Variants in CSF2RB observed in about 807,000 individuals in gnomAD.
The protein encoded by CSF2RB is colony stimulating factor 2 receptor subunit beta.
A neutral mutation model predicts 67.2 loss-of-function variants in CSF2RB; 22 were observed. The ratio of observed to expected loss-of-function variants is 0.33; its 90% CI spans 0.23 to 0.47. CSF2RB has a LOEUF of 0.47. Among genes scored for constraint, CSF2RB ranks in the 20% least tolerant of loss-of-function variants. The pLI is 1.00. For synonymous variants in CSF2RB, 507 were observed against 482.9 expected, an observed-to-expected ratio of 1.05 and a Z score of -0.65; for missense variants, 1,113 against 1,174.5, an observed-to-expected ratio of 0.95 and a Z score of 0.76.
chr22:36,922,876 ATCCCAGGGCTGAGTGTGTGCCCCC>A (rs1454326980), intron 2 of CSF2RB: 9 of 354,920 alleles, frequency 2.5e-5, no homozygotes, highest in African/African-American at 1.7e-4. Flanking sequence ...GCCACGCTGC[ATCCCAGGGCTGAGTGTGTGCCCCC>A]TCCCAGGCTG....
At position 36,937,126 on chromosome 22, in the gene CSF2RB, C is replaced by T. The variant is rs1392117740; in HGVS notation, c.1569-251C>T. Among the ~76,000 whole-genome samples, 1 of 152,102 alleles carries T rather than the reference C, an allele frequency of 6.6e-6. No individual in the cohort carries two copies. The highest frequency in any genetic ancestry group is 1.9e-4 in the East Asian group (1 of 5,190). ...AGGTCAAAAGGGAGAGGGTACCAGCCTTGCAGAGGAAGACCTTGAGCTCAG... is the reference window on the plus strand; with the variant it reads ...AGGTCAAAAGGGAGAGGGTACCAGCTTTGCAGAGGAAGACCTTGAGCTCAG... On this transcript the variant is annotated intron_variant, in intron 13 of 13. Coordinates refer to ENST00000403662, the MANE Select transcript of CSF2RB (RefSeq NM_000395.3). This position sits in a 1 kb window ranked among gnomAD's most constrained non-coding sequence, Gnocchi z 4.6.
rs1447875228 is a variant in CSF2RB at position 36,937,528 on chromosome 22, C to T, written c.1720C>T (p.Pro574Ser). The change falls in exon 14 of 14, where the codon CCT becomes TCT. Residue 574 changes from proline (P) to serine (S), a missense_variant. This residue lies in a region of CSF2RB where 554 missense variants were observed against 517.9 expected (regional missense o/e 1.07). Coordinates refer to ENST00000403662, the MANE Select transcript of CSF2RB (RefSeq NM_000395.3). The surrounding 1 kb of genome is among the most constrained non-coding windows in gnomAD (Gnocchi z 4.6). The part of the protein sequence containing the change: ...EQPPSPQPGP[P>S]AASHTPEKQA... ...GCCCCCCAGCCCCCAGCCAGGCCCG[C>T]CTGCCGCCTCCCACACACCTGAGAA... 3.1e-6 allele frequency: 5 copies of T among 1,613,866 alleles called. No individual in the cohort carries two copies. The highest frequency in any genetic ancestry group is 3.4e-6 in the Non-Finnish European group (4 of 1,179,896).
chr22:36,923,445 G>T, intron 3 of CSF2RB, 78 bp downstream of exon 3: 2 of 1,567,204 alleles, frequency 1.3e-6, no homozygotes, highest in East Asian at 2.4e-5. Context: ...ACAGTGTAGA[G>T]AGGGACCTGT....
intron 2 of CSF2RB, chr22:36,922,514 T>C (rs1345336526): frequency 3.3e-6 from 2 of 598,004 alleles, no homozygotes; most frequent in East Asian, 2.8e-5. Context: ...CTTGCCCACA[T>C]TTCTCAGGGC....
chr22:36,924,706 C>G (rs946469538), intron 3 of CSF2RB, among the ~76,000 whole-genome samples: 4 of 152,292 alleles, frequency 2.6e-5, no homozygotes, highest in African/African-American at 4.8e-5. Context: ...CATGGTTGGG[C>G]CTCCGCCTTC....
chr22:36,926,515 G>A lies in CSF2RB; in HGVS notation c.391+338G>A, dbSNP rs528173745. 3.7e-4 allele frequency among the ~76,000 whole-genome samples: 56 copies of A among 152,350 alleles called. 1 individual carries two copies. The highest frequency in any genetic ancestry group is 5.6e-4 in the Non-Finnish European group (38 of 68,034). On this transcript the variant is annotated intron_variant, in intron 4 of 13. Transcript: ENST00000403662. ...TTAGTTGTTTCATCTCATCTCTGAA[G>A]CAACCCATTTCCTGGATGTGGCCCT...
intron 11 of CSF2RB, 28 bp from the exon 12 acceptor site, chr22:36,935,602 T>C (rs756218810): frequency 6.2e-7 from 1 of 1,614,130 alleles, no homozygotes; most frequent in Admixed American, 1.7e-5. Context: ...AGGTCTCTGA[T>C]GGCTGTCACC....
At chr22:36,922,346 G>C in intron 2 of CSF2RB, 63 bp downstream of exon 2, 2 of 1,461,998 alleles carry the variant, frequency 1.4e-6, no homozygotes. Flanking sequence ...CCTGGGGGAG[G>C]GCCGCAGCGT....
At chr22:36,930,851 C>T in intron 8 of CSF2RB, 21 bp downstream of exon 8, 1 of 1,614,018 alleles carries the variant, frequency 6.2e-7, no homozygotes, top group Non-Finnish European at 8.5e-7. Context: ...TCCTAGCCCG[C>T]TGTGGGGATG....
intron 1 of CSF2RB, among the ~76,000 whole-genome samples, chr22:36,920,788 T>C (rs766315287): frequency 2.3e-4 from 35 of 152,256 alleles, no homozygotes; most frequent in Non-Finnish European, 5.0e-4. Flanking sequence ...TGTAACATTT[T>C]ACATTTAAAT....
At chr22:36,923,390 G>A (rs1940928021) in intron 3 of CSF2RB, 23 bp downstream of exon 3, 4 of 1,611,404 alleles carry the variant, frequency 2.5e-6, no homozygotes, top group Non-Finnish European at 3.4e-6. Context: ...GGGGGCAGGG[G>A]CCACGGGCAG....
At chr22:36,927,676 C>T (rs1283437221) in intron 4 of CSF2RB, among the ~76,000 whole-genome samples, 2 of 152,110 alleles carry the variant, frequency 1.3e-5, no homozygotes, top group Non-Finnish European at 2.9e-5. Flanking sequence ...GTAGAGGGGA[C>T]CCTCTAGGCA....
chr22:36,933,056 T>C, intron 9 of CSF2RB, 152 bp downstream of exon 9: 3 of 959,452 alleles, frequency 3.1e-6, no homozygotes, highest in Non-Finnish European at 4.6e-6. Context: ...GGCTGTGTGG[T>C]CAGCAGGTCA....
At chr22:36,920,088 G>C (rs1601577813) in intron 1 of CSF2RB, among the ~76,000 whole-genome samples, 1 of 152,134 alleles carries the variant, frequency 6.6e-6, no homozygotes, top group African/African-American at 2.4e-5. Context: ...TCTACGAAGT[G>C]GAGCTTCTAG....
At position 36,930,697 on chromosome 22, in the gene CSF2RB, G is replaced by A. The variant is rs1159684880; in HGVS notation, c.879G>A (p.Leu293=). The A allele has an allele frequency of 5.6e-6, 9 of 1,612,916 alleles. No individual in the cohort carries two copies. Among genetic ancestry groups the A allele is most frequent in the Middle Eastern group, 1.9e-4 (1 of 5,374 alleles). ...DAGEEECSPV[L]REGLGSLHTR... ...GGGAGGAAGAGTGCTCCCCAGTGCT[G>A]AGGGAGGGGCTCGGCAGCCTCCACA... Residue 293 remains leucine, a synonymous_variant, in exon 8 of 14, where the codon CTG becomes CTA. Transcript: ENST00000403662.
rs2075940 is a variant in CSF2RB at position 36,922,404 on chromosome 22, G to A, written c.76+121G>A. On this transcript the variant is annotated intron_variant, in intron 2 of 13. Transcript: ENST00000403662. ...GCCCTCCTCCTGCTCCCCTCCCTCT[G>A]TCTCTCCCCCTGGCCTTCCCTGGGC... The A allele has an allele frequency of 0.5, 445,811 of 899,718 alleles. 116,554 individuals carry two copies. Among genetic ancestry groups the A allele is most frequent in the Admixed American group, 0.63 (31,099 of 49,338 alleles). 55.7% of individuals were successfully genotyped at this position (899,718 alleles called of 1,614,324 possible).
intron 9 of CSF2RB, among the ~76,000 whole-genome samples, chr22:36,933,279 A>G (rs1386314020): frequency 6.6e-6 from 1 of 152,224 alleles, no homozygotes; most frequent in Non-Finnish European, 1.5e-5. Flanking sequence ...GCTCAGACAG[A>G]GCTGCTTCTA....
At chr22:36,922,365 GAT>G in intron 2 of CSF2RB, 82 bp downstream of exon 2, 1 of 1,353,416 alleles carries the variant, frequency 7.4e-7, no homozygotes, top group Non-Finnish European at 1.0e-6. Context: ...GTATCCTCAG[GAT>G]CCTGCCCGCC....
intron 4 of CSF2RB, among the ~76,000 whole-genome samples, chr22:36,928,599 C>A (rs368577617): frequency 6.6e-6 from 1 of 152,176 alleles, no homozygotes; most frequent in African/African-American, 2.4e-5. Context: ...AATCAGGTGC[C>A]GTGTCTTCAT....
Sources: allele counts gnomAD v4.1 joint callset (sites outside exome capture counted in the v4.1 genomes callset), GRCh38; gene constraint gnomAD v4.1.1; regional missense constraint gnomAD v4.1.1; non-coding constraint Gnocchi (gnomAD v3.1); transcripts MANE v1.5; gene names NCBI Gene and HGNC (gene_info 2026-07-23, HGNC 2026-07-21).